The following RIIAD1 variants were observed in gnomAD, a reference collection of about 807,000 sequenced individuals.
RIIAD1 encodes the protein RIIa domain-containing protein 1.
Under a neutral mutation model 13.3 loss-of-function variants are expected in RIIAD1, and 15 were observed. The ratio of observed to expected loss-of-function variants is 1.13; its 90% confidence interval spans 0.76 to 1.74. The LOEUF (loss-of-function observed/expected upper bound fraction) is 1.74, where lower values mean the gene tolerates loss of function less well. Ranked by LOEUF, RIIAD1 falls within the 40% of genes most tolerant of loss-of-function variation. RIIAD1 has a pLI of 0.00. For missense variants in RIIAD1, 121 were observed against 112.2 expected (o/e 1.08, Z -0.35); for synonymous variants, 50 against 43.3 (o/e 1.16, Z -0.61).
At chr1:151,717,480 C>T (rs949906816), upstream of RIIAD1, among the ~76,000 whole-genome samples, 12 of 152,242 alleles carry the variant, frequency 7.9e-5, no homozygotes, top group Non-Finnish European at 2.9e-5. Flanking sequence ...AGTGCGTGGG[C>T]AGGGAGGCCG....
At chr1:151,713,852 G>A (rs1158732963) in intron 3 of RIIAD1, among the ~76,000 whole-genome samples, 1 of 152,236 alleles carries the variant, frequency 6.6e-6, no homozygotes, top group Non-Finnish European at 1.5e-5. Flanking sequence ...GGAAGGGCTT[G>A]GGACAATCAG....
At chr1:151,727,983 CAGAG>C (rs995245725) in intron 3 of RIIAD1, among the ~76,000 whole-genome samples, 1 of 152,196 alleles carries the variant, frequency 6.6e-6, no homozygotes, top group Admixed American at 6.5e-5. Context: ...TCCCCACCAC[CAGAG>C]AGTTTTATTT....
intron 4 of RIIAD1, chr1:151,715,529 C>T (rs971875630): frequency 2.0e-6 from 2 of 1,009,852 alleles, no homozygotes; most frequent in African/African-American, 1.6e-5. Context: ...CACGCACACA[C>T]ACACACACCC....
intron 3 of RIIAD1, 173 bp from the exon 4 acceptor site, chr1:151,728,593 G>A (rs1369472542): frequency 1.7e-6 from 1 of 594,358 alleles, no homozygotes; most frequent in South Asian, 2.0e-5. Flanking sequence ...CTGCTCGGGT[G>A]GGGGCAGTGA....
chr1:151,722,473 C>G (rs573399202), intron 2 of RIIAD1, among the ~76,000 whole-genome samples: 1 of 152,196 alleles, frequency 6.6e-6, no homozygotes, highest in African/African-American at 2.4e-5. Flanking sequence ...AGAAAAATTC[C>G]AAGGGTTGGA....
At chr1:151,714,727 T>A (rs1275181890) in intron 4 of RIIAD1, 10 of 1,276,126 alleles carry the variant, frequency 7.8e-6, no homozygotes, top group Non-Finnish European at 1.1e-5. Context: ...GTCCTCCATC[T>A]CCCCTCTCTG....
intron 3 of RIIAD1, 199 bp from the exon 4 acceptor site, chr1:151,728,567 G>A: frequency 1.8e-6 from 1 of 544,542 alleles, no homozygotes; most frequent in Non-Finnish European, 3.3e-6. Flanking sequence ...GAATGTTGGA[G>A]CTGGCAGAAT....
exon 4 of RIIAD1, chr1:151,714,511 G>A (rs970401010): frequency 1.0e-6 from 1 of 965,028 alleles, no homozygotes; most frequent in Non-Finnish European, 1.6e-6. Context: ...TGGAAATTAT[G>A]CTCAGTGTCA....
chr1:151,712,445 A>G (rs1673104350), intron 2 of RIIAD1, among the ~76,000 whole-genome samples: 2 of 152,106 alleles, frequency 1.3e-5, no homozygotes, highest in African/African-American at 4.8e-5. Flanking sequence ...CAGACCACTC[A>G]CAGGTTCTCT....
chr1:151,715,515 T>TGCAC, intron 4 of RIIAD1: 2 of 830,750 alleles, frequency 2.4e-6, no homozygotes, highest in Non-Finnish European at 3.5e-6. Flanking sequence ...TCAGTCTTGC[T>TGCAC]GCACACGCAC....
intron 2 of RIIAD1, among the ~76,000 whole-genome samples, chr1:151,725,095 A>G (rs1571949452): frequency 8.4e-6 from 1 of 118,832 alleles, no homozygotes; most frequent in African/African-American, 3.3e-5. Context: ...GGCATGAGCC[A>G]CCGCACCTCG....
chr1:151,711,665 T>C (rs1673032553), intron 1 of RIIAD1, among the ~76,000 whole-genome samples: 1 of 152,178 alleles, frequency 6.6e-6, no homozygotes, highest in South Asian at 2.1e-4. Flanking sequence ...TTCACCTCCT[T>C]CTCTCCTGTG....
chr1:151,726,845 T>C (rs1341031589), intron 2 of RIIAD1, among the ~76,000 whole-genome samples: 1 of 152,178 alleles, frequency 6.6e-6, no homozygotes, highest in Non-Finnish European at 1.5e-5. Context: ...ATCTTTTAGC[T>C]CTGTTTATTG....
intron 4 of RIIAD1, chr1:151,714,683 A>G (rs1454916993): frequency 1.3e-6 from 2 of 1,542,280 alleles, no homozygotes; most frequent in Non-Finnish European, 1.8e-6. Flanking sequence ...CATCCTGAGG[A>G]GGGGCAGGGG....
At chr1:151,715,774 C>G in intron 4 of RIIAD1, 1 of 1,594,916 alleles carries the variant, frequency 6.3e-7, no homozygotes, top group African/African-American at 1.3e-5. Flanking sequence ...TCTTCTCCTT[C>G]CACATCAGCC....
At chr1:151,722,423 G>A (rs1673754336) in intron 2 of RIIAD1, among the ~76,000 whole-genome samples, 1 of 152,168 alleles carries the variant, frequency 6.6e-6, no homozygotes, top group Non-Finnish European at 1.5e-5. Context: ...ACAAAAATCA[G>A]TTGTCTGGTT....
intron 2 of RIIAD1, among the ~76,000 whole-genome samples, chr1:151,712,700 T>C (rs1464905666): frequency 1.3e-5 from 2 of 152,202 alleles, no homozygotes; most frequent in Non-Finnish European, 2.9e-5. Flanking sequence ...CCAGCCCCCA[T>C]TCTTTCTCTT....
chr1:151,719,817 A>G (rs1443380654), upstream of RIIAD1: 2 of 588,110 alleles, frequency 3.4e-6, no homozygotes, highest in African/African-American at 3.8e-5. Context: ...TTGATTGATT[A>G]TCAAAGCACA....
chr1:151,714,424 CA>C, exon 4 of RIIAD1: 1 of 682,214 alleles, frequency 1.5e-6, no homozygotes, highest in Non-Finnish European at 2.7e-6. Context: ...CTCCAGGTAA[CA>C]AGAAATGCAT....
Sources: allele counts gnomAD v4.1 joint callset (sites outside exome capture counted in the v4.1 genomes callset), GRCh38; gene constraint gnomAD v4.1.1; transcripts MANE v1.5; gene names NCBI Gene and HGNC (gene_info 2026-07-23, HGNC 2026-07-21).